Variants in CNTN5 observed in about 807,000 individuals in gnomAD.
CNTN5 encodes contactin-5.
CNTN5 carries 77 observed loss-of-function variants against 129.1 expected under a neutral mutation model. That is an observed-to-expected ratio of 0.60 (90% confidence interval 0.50 to 0.72). The LOEUF (loss-of-function observed/expected upper bound fraction) is 0.72. Among genes scored for constraint, CNTN5 ranks in the 30% least tolerant of loss-of-function variants. The pLI is 0.00. For synonymous variants in CNTN5, 509 were observed against 465.6 expected (o/e 1.09, Z -1.20); for missense variants, 1,478 against 1,328.8 (o/e 1.11, Z -1.75).
At chr11:100,179,942 G>T (rs892203975) in intron 13 of CNTN5, among the ~76,000 whole-genome samples, 1 of 151,834 alleles carries the variant, frequency 6.6e-6, no homozygotes, top group Non-Finnish European at 1.5e-5. Context: ...GAAAACTTTA[G>T]GTGTAGAACT....
At chr11:99,796,796 C>T (rs1176296600) in intron 3 of CNTN5, among the ~76,000 whole-genome samples, 2 of 152,238 alleles carry the variant, frequency 1.3e-5, no homozygotes, top group Admixed American at 6.5e-5. Flanking sequence ...GCAGACACTC[C>T]TGTGCCAAAT....
intron 3 of CNTN5, among the ~76,000 whole-genome samples, chr11:99,678,702 G>T (rs979208021): frequency 1.3e-5 from 2 of 152,008 alleles, no homozygotes; most frequent in African/African-American, 4.8e-5. Flanking sequence ...TATAGAGAAA[G>T]TTATCTGTAA....
chr11:100,298,169 A>G (rs1240471114), intron 19 of CNTN5, among the ~76,000 whole-genome samples: 1 of 151,462 alleles, frequency 6.6e-6, no homozygotes, highest in Non-Finnish European at 1.5e-5. Context: ...GAATATATAG[A>G]AATGGAAATG....
intron 2 of CNTN5, among the ~76,000 whole-genome samples, chr11:99,377,375 G>T (rs192554328): frequency 6.6e-6 from 1 of 151,980 alleles, no homozygotes; most frequent in East Asian, 1.9e-4. Context: ...CTATGAAATT[G>T]TTTATGTCTG....
At chr11:99,802,769 G>A (rs1145384) in intron 3 of CNTN5, among the ~76,000 whole-genome samples, 87,904 of 151,888 alleles carry the variant, frequency 0.58, 26,215 homozygotes, top group East Asian at 0.73. Context: ...CCCCTGCACC[G>A]GGATCTCTTC....
At chr11:99,347,482 G>A (rs930382637) in intron 2 of CNTN5, among the ~76,000 whole-genome samples, 2 of 151,912 alleles carry the variant, frequency 1.3e-5, no homozygotes, top group Non-Finnish European at 1.5e-5. Context: ...TAACATAATA[G>A]CTATATTAAA....
At chr11:99,927,622 C>A (rs1168246884) in intron 7 of CNTN5, among the ~76,000 whole-genome samples, 1 of 152,064 alleles carries the variant, frequency 6.6e-6, no homozygotes, top group African/African-American at 2.4e-5. Context: ...ACCTTCAGAT[C>A]TCTGGAGAAC....
chr11:99,152,350 TTTG>T (rs1193017297), intron 1 of CNTN5, among the ~76,000 whole-genome samples: 3 of 152,338 alleles, frequency 2.0e-5, no homozygotes, highest in South Asian at 4.1e-4. Flanking sequence ...TCATCATATC[TTTG>T]TTGTCTCCAT....
At chr11:99,626,015 T>G (rs75060051) in intron 3 of CNTN5, among the ~76,000 whole-genome samples, 11,680 of 151,792 alleles carry the variant, frequency 0.077, 640 homozygotes, top group Non-Finnish European at 0.11. Flanking sequence ...CAGGGAAATA[T>G]GTAAAATGGG....
Position 100,271,112 on chromosome 11 carries a change from G to A in CNTN5, c.2185G>A (p.Asp729Asn). Residue 729 changes from aspartate to asparagine, a missense_variant, in exon 18 of 25, where the codon GAC becomes AAC. By Grantham distance (23) the Asp-to-Asn change is conservative (BLOSUM62 1). Transcript: ENST00000524871. ...TATAGTCCCAGAAATCATAACAGGGGACATGGAGTCAGCCATGGCTGTGGA... is the reference window on the plus strand; with the variant it reads ...TATAGTCCCAGAAATCATAACAGGGAACATGGAGTCAGCCATGGCTGTGGA... The part of the protein sequence containing the change: ...VKTVPEIITG[D>N]MESAMAVDLN... 6.2e-7 allele frequency: 1 copy of A among 1,610,256 alleles called. No individual in the cohort carries two copies. Among genetic ancestry groups the A allele is most frequent in the South Asian group, 1.1e-5 (1 of 90,508 alleles).
At chr11:99,628,647 CACACAG>C (rs1241516685) in intron 3 of CNTN5, among the ~76,000 whole-genome samples, 2 of 150,728 alleles carry the variant, frequency 1.3e-5, no homozygotes, top group Non-Finnish European at 2.9e-5. Context: ...CACACACACA[CACACAG>C]AAAGAGATAA....
intron 2 of CNTN5, among the ~76,000 whole-genome samples, chr11:99,344,725 C>T (rs983117565): frequency 3.9e-5 from 6 of 152,182 alleles, no homozygotes; most frequent in African/African-American, 1.4e-4. Context: ...AAATGAGCAG[C>T]ACACTGCTTG....
intron 1 of CNTN5, among the ~76,000 whole-genome samples, chr11:99,087,847 A>T (rs1866062698): frequency 6.6e-6 from 1 of 152,174 alleles, no homozygotes; most frequent in Non-Finnish European, 1.5e-5. Flanking sequence ...TATTTTCCCT[A>T]AGACACAGTC....
chr11:100,353,248 C>T (rs1400145835), intron 24 of CNTN5, among the ~76,000 whole-genome samples: 1 of 151,520 alleles, frequency 6.6e-6, no homozygotes, highest in Non-Finnish European at 1.5e-5. Flanking sequence ...AACTCTTACA[C>T]TATTGTCTAC....
At chr11:100,039,814 C>T (rs976727589) in intron 9 of CNTN5, among the ~76,000 whole-genome samples, 3 of 152,222 alleles carry the variant, frequency 2.0e-5, no homozygotes, top group African/African-American at 7.2e-5. Context: ...TGGTTTTCAG[C>T]TCCATCAGGT....
chr11:99,827,014 A>G (rs1213382014), intron 4 of CNTN5, among the ~76,000 whole-genome samples: 1 of 152,198 alleles, frequency 6.6e-6, no homozygotes, highest in African/African-American at 2.4e-5. Context: ...GTATTCTACT[A>G]GAGTCTCTCC....
At chr11:100,313,860 T>G (rs147574243) in intron 21 of CNTN5, among the ~76,000 whole-genome samples, 73 of 152,084 alleles carry the variant, frequency 4.8e-4, no homozygotes, top group African/African-American at 1.7e-3. Context: ...ATAAAAAAAG[T>G]TAAAGGAGTT....
intron 17 of CNTN5, among the ~76,000 whole-genome samples, chr11:100,267,384 T>G (rs1365556734): frequency 6.6e-6 from 1 of 151,952 alleles, no homozygotes; most frequent in Non-Finnish European, 1.5e-5. Context: ...TTTAATTACT[T>G]CCTTAGAAGC....
chr11:99,653,871 A>G (rs1028589796), intron 3 of CNTN5, among the ~76,000 whole-genome samples: 4 of 152,004 alleles, frequency 2.6e-5, no homozygotes, highest in African/African-American at 4.8e-5. Context: ...AATGATTTCT[A>G]CAATGGATTG....
Sources: allele counts gnomAD v4.1 joint callset (sites outside exome capture counted in the v4.1 genomes callset), GRCh38; gene constraint gnomAD v4.1.1; transcripts MANE v1.5; gene names NCBI Gene and HGNC (gene_info 2026-07-23, HGNC 2026-07-21).